The following FHIT variants were observed in gnomAD, a reference collection of about 807,000 sequenced individuals.
FHIT encodes fragile histidine triad diadenosine triphosphatase.
In FHIT, 19 loss-of-function variants were observed where a neutral mutation model predicts 17.9. The ratio of observed to expected loss-of-function variants is 1.06; its 90% confidence interval spans 0.74 to 1.56. The LOEUF (loss-of-function observed/expected upper bound fraction) is 1.56, where lower values mean the gene tolerates loss of function less well. Among genes scored for constraint, FHIT ranks in the 40% most tolerant of loss-of-function variants. FHIT has a pLI of 0.00. For missense variants in FHIT, 248 were observed against 189.2 expected (o/e 1.31, Z -1.82); for synonymous variants, 81 against 69.7 (o/e 1.16, Z -0.81).
intron 1 of FHIT, among the ~76,000 whole-genome samples, chr3:61,215,671 G>C (rs1362459314): frequency 1.3e-5 from 2 of 152,154 alleles, no homozygotes; most frequent in African/African-American, 4.8e-5. Flanking sequence ...AACCAAAAAA[G>C]AGCCCGCATC....
rs78305216 is a variant in FHIT, at chr3:60,282,047, T to C, written c.103+254813A>G. On this transcript the variant is annotated intron_variant, in intron 5 of 9. Coordinates refer to ENST00000492590, the MANE Select transcript of FHIT (RefSeq NM_002012.4). ...GTGGAGTGATGGGAACGTTCATGCA[T>C]TGTTGGTGGAAATAATGGTAAAATG... Among the ~76,000 whole-genome samples the C allele has an allele frequency of 2.8e-3, 424 of 152,234 alleles. 1 individual carries two copies. The highest frequency in any genetic ancestry group is 8.5e-3 in the African/African-American group (355 of 41,560).
intron 8 of FHIT, among the ~76,000 whole-genome samples, chr3:59,815,550 C>A (rs1700568848): frequency 6.6e-6 from 1 of 152,056 alleles, no homozygotes; most frequent in Non-Finnish European, 1.5e-5. Context: ...TACTACTCAG[C>A]CATAAAAAGG....
At chr3:60,131,839 C>T (rs1487730187) in intron 5 of FHIT, among the ~76,000 whole-genome samples, 2 of 152,126 alleles carry the variant, frequency 1.3e-5, no homozygotes, top group Non-Finnish European at 2.9e-5. Flanking sequence ...TTCTCAAAGC[C>T]AATCACATAG....
intron 8 of FHIT, among the ~76,000 whole-genome samples, chr3:59,915,614 C>A (rs371025480): frequency 6.6e-5 from 10 of 152,278 alleles, no homozygotes; most frequent in African/African-American, 2.4e-4. Context: ...CCATTATAGC[C>A]CTCCATGCTT....
intron 4 of FHIT, among the ~76,000 whole-genome samples, chr3:60,653,521 AGG>A (rs1553688854): frequency 8.0e-5 from 1 of 12,434 alleles, no homozygotes; most frequent in Non-Finnish European, 3.7e-4. Flanking sequence ...ACTGGAGTGG[AGG>A]GAATTATCAA....
chr3:60,626,353 T>TA (rs1192151921), intron 4 of FHIT, among the ~76,000 whole-genome samples: 1 of 152,200 alleles, frequency 6.6e-6, no homozygotes. Flanking sequence ...TCCCCAAACA[T>TA]AAAAAGTCTT....
intron 4 of FHIT, among the ~76,000 whole-genome samples, chr3:60,639,733 C>T (rs1257232507): frequency 6.6e-6 from 1 of 152,086 alleles, no homozygotes; most frequent in Non-Finnish European, 1.5e-5. Flanking sequence ...AAAAATTTCC[C>T]AGATGAAAGC....
chr3:60,115,867 G>T (rs1704934152), intron 5 of FHIT, among the ~76,000 whole-genome samples: 2 of 138,250 alleles, frequency 1.4e-5, no homozygotes, highest in South Asian at 2.3e-4. Context: ...AATCTACAAA[G>T]ACCTATCCAT....
intron 2 of FHIT, among the ~76,000 whole-genome samples, chr3:61,093,760 C>T (rs917765031): frequency 2.0e-5 from 3 of 152,198 alleles, no homozygotes; most frequent in Non-Finnish European, 4.4e-5. Flanking sequence ...ATGATATTCA[C>T]CCCTGACCAA....
intron 7 of FHIT, among the ~76,000 whole-genome samples, chr3:59,957,912 A>G (rs1391081401): frequency 6.6e-6 from 1 of 152,250 alleles, no homozygotes; most frequent in Admixed American, 6.5e-5. Context: ...ACTAGAAATG[A>G]GAATATTAGA....
intron 5 of FHIT, among the ~76,000 whole-genome samples, chr3:60,180,703 C>T (rs73831972): frequency 0.01 from 1,565 of 152,174 alleles, 23 homozygotes; most frequent in African/African-American, 0.036. Flanking sequence ...TATAATTTGA[C>T]GTTGATGCTT....
In FHIT at chr3:60,019,415, C is replaced by CTTTTTTTTTTTTTTT. The variant is rs1281567026; in HGVS notation, c.104-5278_104-5264dup. Among the ~76,000 whole-genome samples, 260 of 121,052 alleles carry CTTTTTTTTTTTTTTT rather than the reference C, an allele frequency of 2.1e-3. 14 individuals carry two copies. Among genetic ancestry groups the CTTTTTTTTTTTTTTT allele is most frequent in the African/African-American group, 7.8e-3 (253 of 32,504 alleles). The allele number at this position is 121,052 out of a possible 152,430, so 79.4% of individuals were successfully genotyped here. A position where few individuals can be genotyped will look rare whatever the true frequency, so the allele number is the denominator to read the frequency against. ...ATGGCATTTTAGAGTTGAGATGCTC[C>CTTTTTTTTTTTTTTT]TTTTTTTTTTTTTTTTTCCTGAGAT... On this transcript the variant is annotated intron_variant, in intron 5 of 9. Coordinates refer to ENST00000492590, the MANE Select transcript of FHIT (RefSeq NM_002012.4).
chr3:60,361,610 T>C (rs1576537684), intron 5 of FHIT, among the ~76,000 whole-genome samples: 1 of 152,126 alleles, frequency 6.6e-6, no homozygotes, highest in Non-Finnish European at 1.5e-5. Flanking sequence ...GAGTCAGTTA[T>C]GTAGGTAAAG....
chr3:59,964,191 G>T (rs924033252), intron 7 of FHIT, among the ~76,000 whole-genome samples: 3 of 151,956 alleles, frequency 2.0e-5, no homozygotes, highest in Admixed American at 1.3e-4. Flanking sequence ...TATTATTCAG[G>T]GTAAAGGCTC....
At chr3:59,760,067 T>C (rs1701428965) in intron 8 of FHIT, among the ~76,000 whole-genome samples, 1 of 152,230 alleles carries the variant, frequency 6.6e-6, no homozygotes, top group African/African-American at 2.4e-5. Flanking sequence ...TCCTCCTCCT[T>C]TTCTGAACAG....
At chr3:60,582,419 A>G (rs1164310838) in intron 4 of FHIT, among the ~76,000 whole-genome samples, 2 of 152,124 alleles carry the variant, frequency 1.3e-5, no homozygotes, top group Non-Finnish European at 2.9e-5. Flanking sequence ...AGAAAATTTT[A>G]TAAAACATTT....
At chr3:61,210,160 C>T (rs370531790) in intron 1 of FHIT, among the ~76,000 whole-genome samples, 9 of 151,902 alleles carry the variant, frequency 5.9e-5, no homozygotes, top group African/African-American at 1.2e-4. Context: ...ACTGCTTGAT[C>T]GTTCAAGTTT....
intron 8 of FHIT, among the ~76,000 whole-genome samples, chr3:59,893,947 T>C (rs1703958492): frequency 6.6e-6 from 1 of 152,118 alleles, no homozygotes; most frequent in South Asian, 2.1e-4. Context: ...CATGGGAAAT[T>C]AGCAGTTTGG....
chr3:59,782,897 C>T (rs145523864), intron 8 of FHIT, among the ~76,000 whole-genome samples: 1 of 152,114 alleles, frequency 6.6e-6, no homozygotes, highest in Admixed American at 6.5e-5. Context: ...CTAGCCAAGA[C>T]AGCAGGAAGA....
Sources: allele counts gnomAD v4.1 joint callset (sites outside exome capture counted in the v4.1 genomes callset), GRCh38; gene constraint gnomAD v4.1.1; transcripts MANE v1.5; gene names NCBI Gene and HGNC (gene_info 2026-07-23, HGNC 2026-07-21).